DPY19L4: variants seen among roughly 807,000 people sequenced by gnomAD.
DPY19L4 encodes dpy-19 like 4, also known as probable C-mannosyltransferase DPY19L4.
A neutral mutation model predicts 102.8 loss-of-function variants in DPY19L4; 97 were observed. The ratio of observed to expected loss-of-function variants is 0.94; its 90% CI spans 0.80 to 1.12. The LOEUF is 1.12. Ranked by LOEUF, DPY19L4 falls within the 50% of genes most tolerant of loss-of-function variation. The pLI, the probability that DPY19L4 is intolerant of heterozygous loss-of-function variation, is 0.00. For missense variants in DPY19L4, 815 were observed against 850.4 expected, an observed-to-expected ratio of 0.96 and a Z score of 0.52; for synonymous variants, 252 against 283.1, an observed-to-expected ratio of 0.89 and a Z score of 1.10.
intron 18 of DPY19L4, 92 bp downstream of exon 18, chr8:94,788,144 T>C: frequency 1.6e-6 from 1 of 642,864 alleles, no homozygotes; most frequent in Non-Finnish European, 2.1e-6. Flanking sequence ...TAAACTTTAT[T>C]TTTAGAACTT....
chr8:94,757,820 A>G (rs17718793), intron 7 of DPY19L4, among the ~76,000 whole-genome samples: 69,247 of 152,030 alleles, frequency 0.46, 17,956 homozygotes, highest in African/African-American at 0.72. Context: ...AAAGAGTTTC[A>G]TATAGGCCGG....
chr8:94,761,652 T>C (rs1812396713), intron 7 of DPY19L4, 48 bp from the exon 8 acceptor site: 1 of 1,491,472 alleles, frequency 6.7e-7, no homozygotes, highest in African/African-American at 1.4e-5. Context: ...TAGGCTTTTA[T>C]TGTAATAAAG....
intron 2 of DPY19L4, among the ~76,000 whole-genome samples, chr8:94,727,741 C>T (rs1418492641): frequency 1.3e-5 from 2 of 152,250 alleles, no homozygotes; most frequent in Non-Finnish European, 2.9e-5. Context: ...TGACTCAGTG[C>T]TCAGGGTTTT....
At chr8:94,780,952 C>A in intron 15 of DPY19L4, 132 bp from the exon 16 acceptor site, 1 of 622,420 alleles carries the variant, frequency 1.6e-6, no homozygotes, top group Non-Finnish European at 2.6e-6. Flanking sequence ...TTTTTCCATG[C>A]GAACGGTGTT....
At chr8:94,749,191 G>A (rs1455942144) in intron 6 of DPY19L4, among the ~76,000 whole-genome samples, 1 of 152,086 alleles carries the variant, frequency 6.6e-6, no homozygotes, top group African/African-American at 2.4e-5. Flanking sequence ...GGAATTGTGG[G>A]AGCTACATTC....
intron 13 of DPY19L4, among the ~76,000 whole-genome samples, chr8:94,774,249 G>A (rs774570594): frequency 6.6e-6 from 1 of 151,802 alleles, no homozygotes; most frequent in Non-Finnish European, 1.5e-5. Flanking sequence ...GTCTCACCAT[G>A]TTGCCCAGGC....
Position 94,739,550 on chromosome 8 carries a change from T to C in DPY19L4, c.465+16T>C. ...TGGTAGCAATGTATGTATTTTTCGT[T>C]GGACCCTAATATTTATTTTCTCATG... On this transcript the variant is annotated intron_variant, in intron 5 of 18. Coordinates refer to ENST00000414645, the MANE Select transcript of DPY19L4 (RefSeq NM_181787.3). 5.6e-6 allele frequency: 9 copies of C among 1,597,682 alleles called. No homozygotes were observed. The highest frequency in any genetic ancestry group is 7.7e-6 in the Non-Finnish European group (9 of 1,174,608).
chr8:94,761,630 G>C, intron 7 of DPY19L4, 70 bp from the exon 8 acceptor site: 1 of 1,341,512 alleles, frequency 7.5e-7, no homozygotes, highest in Non-Finnish European at 9.8e-7. Context: ...CAACTTTGAG[G>C]TAACAGTCTC....
Position 94,765,315 on chromosome 8 carries a change from G to C in DPY19L4, c.1002+1G>C. On this transcript the variant is annotated splice_donor_variant, in intron 9 of 18. Coordinates refer to ENST00000414645, the MANE Select transcript of DPY19L4 (RefSeq NM_181787.3). LOFTEE classifies it high-confidence loss of function. ...CTTAATGCTTGCTAAGTGCCTTCAGGTAACTAGAATTATCTTTTTATTGTT... is the reference window on the plus strand; with the variant it reads ...CTTAATGCTTGCTAAGTGCCTTCAGCTAACTAGAATTATCTTTTTATTGTT... 1 of 1,587,936 alleles carries C rather than the reference G, an allele frequency of 6.3e-7. No homozygotes were observed. Among genetic ancestry groups the C allele is most frequent in the Non-Finnish European group, 8.5e-7 (1 of 1,173,428 alleles).
intron 17 of DPY19L4, among the ~76,000 whole-genome samples, chr8:94,786,082 C>A (rs930726633): frequency 2.0e-5 from 3 of 152,264 alleles, no homozygotes; most frequent in African/African-American, 7.2e-5. Context: ...AAGCTAAAAT[C>A]CAAACTGAAC....
rs113002728 is a variant in DPY19L4 at position 94,722,033 on chromosome 8, C to T, written c.16+2019C>T. On this transcript the variant is annotated intron_variant, in intron 1 of 18. Transcript: ENST00000414645. ...CTGAGATAGGAGAATCACTTGAACC[C>T]GGGAGGCGGAGGTTGCAGTGAGCCA... 7.5e-3 allele frequency among the ~76,000 whole-genome samples: 1,137 copies of T among 152,164 alleles called. 8 individuals are homozygous for T. Among genetic ancestry groups the T allele is most frequent in the South Asian group, 9.7e-3 (47 of 4,824 alleles).
intron 18 of DPY19L4, 106 bp downstream of exon 18, chr8:94,788,158 T>A: frequency 1.9e-6 from 1 of 538,290 alleles, no homozygotes; most frequent in African/African-American, 2.1e-5. Context: ...AGAACTTAAC[T>A]AAGAATATAA....
rs1412523244 is a variant in DPY19L4 at position 94,791,285 on chromosome 8, G to A, written c.*1375G>A. 2.0e-5 allele frequency: 3 copies of A among 151,998 alleles called. No homozygotes were observed. In the East Asian group the frequency reaches 5.8e-4, roughly 29 times the overall value. 9.4% of individuals were successfully genotyped at this position (151,998 alleles called of 1,614,324 possible). A position where few individuals can be genotyped will look rare whatever the true frequency, so the allele number is the denominator to read the frequency against. ...TGTAAAAGTACACTACATTAGAAGG[G>A]AGCTTTTCCGTTGTCTTTATTTTCT... On this transcript the variant is annotated 3_prime_UTR_variant, in exon 19 of 19. Transcript: ENST00000414645.
chr8:94,745,067 C>A (rs1811610625), intron 6 of DPY19L4: 1 of 157,832 alleles, frequency 6.3e-6, no homozygotes, highest in South Asian at 1.8e-4. Flanking sequence ...ATATTAAAGT[C>A]ATTCCATTAT....
intron 5 of DPY19L4, 54 bp downstream of exon 5, chr8:94,739,588 C>T (rs1341810184): frequency 1.2e-6 from 2 of 1,601,418 alleles, no homozygotes; most frequent in Non-Finnish European, 1.7e-6. Context: ...TTCATGAATC[C>T]TCAAATTATT....
intron 17 of DPY19L4, among the ~76,000 whole-genome samples, 175 bp from the exon 18 acceptor site, chr8:94,787,719 T>C (rs1813713405): frequency 6.6e-6 from 1 of 151,992 alleles, no homozygotes. Context: ...TGAGTTTTGA[T>C]ATATAGATGA....
rs1327177284 is a variant in DPY19L4 at position 94,780,388 on chromosome 8, T to A, written c.1605T>A (p.Thr535=). ...TTATTCTGAGCATGGCCGTGCCTAC[T>A]ATAATAGGTCTCAGCTTATGGAAAG... The part of the protein sequence containing the change: ...LALILSMAVP[T]IIGLSLWKEF... The change falls in exon 15 of 19, where the codon ACT becomes ACA. Residue 535 remains threonine (T), a synonymous_variant. Coordinates refer to ENST00000414645, the MANE Select transcript of DPY19L4 (RefSeq NM_181787.3). 8.7e-6 allele frequency: 13 copies of A among 1,492,380 alleles called. No homozygotes were observed. The highest frequency in any genetic ancestry group is 1.2e-5 in the Non-Finnish European group (13 of 1,106,932). 92.4% of individuals were successfully genotyped at this position (1,492,380 alleles called of 1,614,324 possible). A position where few individuals can be genotyped will look rare whatever the true frequency, so the allele number is the denominator to read the frequency against.
intron 6 of DPY19L4, among the ~76,000 whole-genome samples, chr8:94,751,046 G>A (rs1811897568): frequency 6.6e-6 from 1 of 151,562 alleles, no homozygotes; most frequent in African/African-American, 2.4e-5. Context: ...CTCCCAAAGT[G>A]CCGGGATTAC....
chr8:94,756,208 C>T, intron 7 of DPY19L4, 49 bp downstream of exon 7: 1 of 1,586,082 alleles, frequency 6.3e-7, no homozygotes, highest in Non-Finnish European at 8.6e-7. Context: ...TGATGTATTG[C>T]AAATGTGGCA....
Sources: allele counts gnomAD v4.1 joint callset (sites outside exome capture counted in the v4.1 genomes callset), GRCh38; gene constraint gnomAD v4.1.1; transcripts MANE v1.5; gene names NCBI Gene and HGNC (gene_info 2026-07-23, HGNC 2026-07-21).